Variants in AAGAB observed in about 807,000 individuals in gnomAD.
AAGAB encodes the protein alpha- and gamma-adaptin-binding protein p34.
In AAGAB, 38 loss-of-function variants were observed where a neutral mutation model predicts 44.1. The ratio of observed to expected loss-of-function variants is 0.86; its 90% CI spans 0.67 to 1.13. The LOEUF (loss-of-function observed/expected upper bound fraction) is 1.13. AAGAB is among the 50% of genes most tolerant of loss of function. AAGAB has a pLI of 0.00. For synonymous variants in AAGAB, 131 were observed against 131.8 expected, an observed-to-expected ratio of 0.99 and a Z score of 0.04; for missense variants, 450 against 373.8, an observed-to-expected ratio of 1.20 and a Z score of -1.68.
chr15:67,226,659 G>A (rs1007338592), intron 5 of AAGAB: 3 of 152,326 alleles, frequency 2.0e-5, no homozygotes, highest in Non-Finnish European at 4.4e-5. Flanking sequence ...TTTGAAGTAT[G>A]AACATTTTTA....
chr15:67,204,257 C>A, intron 7 of AAGAB, 109 bp from the exon 8 acceptor site: 1 of 713,402 alleles, frequency 1.4e-6, no homozygotes. Flanking sequence ...TGATCGAAGG[C>A]CCAGTGTATA....
At chr15:67,231,681 C>CTGAA (rs1002414598) in intron 5 of AAGAB, 133 bp downstream of exon 5, 3 of 704,556 alleles carry the variant, frequency 4.3e-6, no homozygotes, top group Non-Finnish European at 7.3e-6. Flanking sequence ...TTGGCGCTTC[C>CTGAA]TTCAATCAGC....
chr15:67,232,655 T>G (rs994099787), intron 4 of AAGAB: 7 of 306,538 alleles, frequency 2.3e-5, no homozygotes, highest in African/African-American at 1.5e-4. Context: ...CTACTGGCTT[T>G]GGCATAATTT....
chr15:67,243,334 T>C (rs1596014140), intron 1 of AAGAB, among the ~76,000 whole-genome samples: 1 of 152,176 alleles, frequency 6.6e-6, no homozygotes, highest in East Asian at 1.9e-4. Context: ...AAAGACCACT[T>C]TGTCAATCCT....
At chr15:67,247,631 G>A (rs1031904424) in intron 1 of AAGAB, among the ~76,000 whole-genome samples, 1 of 152,100 alleles carries the variant, frequency 6.6e-6, no homozygotes, top group African/African-American at 2.4e-5. Context: ...TTTACGGTAT[G>A]CCATTTAATG....
chr15:67,221,094 T>G (rs956526766), intron 5 of AAGAB: 1 of 152,244 alleles, frequency 6.6e-6, no homozygotes, highest in African/African-American at 2.4e-5. Context: ...TCCACACTTA[T>G]TTATTATATT....
intron 4 of AAGAB, among the ~76,000 whole-genome samples, chr15:67,234,368 A>C (rs1408480467): frequency 6.6e-6 from 1 of 152,234 alleles, no homozygotes; most frequent in Non-Finnish European, 1.5e-5. Context: ...ATTGTGAATG[A>C]CTTAATTCTC....
intron 5 of AAGAB, among the ~76,000 whole-genome samples, chr15:67,212,426 A>G (rs1476274548): frequency 6.6e-6 from 1 of 152,228 alleles, no homozygotes; most frequent in African/African-American, 2.4e-5. Flanking sequence ...AAAAGTCAAA[A>G]TAGTAGGAAG....
In AAGAB at chr15:67,213,427, A is replaced by G. The variant is rs1963869516; in HGVS notation, c.536-3883T>C. Among the ~76,000 whole-genome samples, 3 of 152,148 alleles carry G rather than the reference A, an allele frequency of 2.0e-5. No individual in the cohort carries two copies. The South Asian group carries it at 6.2e-4, about 31-fold the overall frequency. On this transcript the variant is annotated intron_variant, in intron 5 of 9. Transcript: ENST00000261880. Reference sequence around the variant, plus strand: ...CACCTCTTTACAAATCTGAGGGCACACTTAACTTTAGAAGCATAAAATGCA... The same window carrying G: ...CACCTCTTTACAAATCTGAGGGCACGCTTAACTTTAGAAGCATAAAATGCA...
rs185337459 is a variant in AAGAB, at chr15:67,250,152, A to G, written c.73+4407T>C. On this transcript the variant is annotated intron_variant, in intron 1 of 9. Transcript: ENST00000261880. Reference sequence around the variant, plus strand: ...TTCATTTTAATATTTTCACAGGTGGACCATACACTTTCTTTCTTTCTTTTT... The same window carrying G: ...TTCATTTTAATATTTTCACAGGTGGGCCATACACTTTCTTTCTTTCTTTTT... Among the ~76,000 whole-genome samples the G allele has an allele frequency of 5.7e-3, 865 of 152,240 alleles. 6 individuals carry two copies. Among genetic ancestry groups the G allele is most frequent in the African/African-American group, 0.02 (817 of 41,532 alleles).
chr15:67,251,723 A>G (rs1964877915), intron 1 of AAGAB, among the ~76,000 whole-genome samples: 1 of 152,224 alleles, frequency 6.6e-6, no homozygotes, highest in African/African-American at 2.4e-5. Context: ...GGTAGATCCA[A>G]TTCAATCCAA....
intron 4 of AAGAB, among the ~76,000 whole-genome samples, chr15:67,234,278 T>G (rs929828145): frequency 1.3e-5 from 2 of 151,452 alleles, no homozygotes; most frequent in Non-Finnish European, 2.9e-5. Context: ...TAAATAAAAA[T>G]AAAGAAAGAA....
chr15:67,210,095 T>A (rs554852804), intron 5 of AAGAB, among the ~76,000 whole-genome samples: 2 of 152,234 alleles, frequency 1.3e-5, no homozygotes, highest in East Asian at 3.8e-4. Context: ...ACAGCACTAA[T>A]GCTTTCATAG....
intron 7 of AAGAB, among the ~76,000 whole-genome samples, chr15:67,208,221 T>C (rs1466173199): frequency 6.6e-6 from 1 of 152,080 alleles, no homozygotes; most frequent in Non-Finnish European, 1.5e-5. Flanking sequence ...TGTATTATTC[T>C]TGTCACCATC....
intron 1 of AAGAB, among the ~76,000 whole-genome samples, chr15:67,252,051 A>T (rs1259403265): frequency 6.6e-6 from 1 of 152,200 alleles, no homozygotes; most frequent in East Asian, 1.9e-4. Context: ...CTTAACCCGA[A>T]CTGGAATTAT....
chr15:67,239,183 A>G (rs1289186428), intron 1 of AAGAB, among the ~76,000 whole-genome samples: 3 of 152,202 alleles, frequency 2.0e-5, no homozygotes, highest in Non-Finnish European at 4.4e-5. Context: ...TTAAAAACTG[A>G]TATCAAAAAA....
At chr15:67,221,509 A>G (rs1299949610) in intron 5 of AAGAB, among the ~76,000 whole-genome samples, 3 of 152,242 alleles carry the variant, frequency 2.0e-5, no homozygotes, top group Non-Finnish European at 2.9e-5. Flanking sequence ...TATAGAAGCC[A>G]TTCCTGTACT....
rs1963764786 is a variant in AAGAB at position 67,209,597 on chromosome 15, TCA to T, written c.536-55_536-54del. 2.2e-6 allele frequency: 3 copies of T among 1,365,616 alleles called. No individual in the cohort carries two copies. In the East Asian group the frequency reaches 6.9e-5, roughly 31 times the overall value. The allele number at this position is 1,365,616 out of a possible 1,614,324, so 84.6% of individuals were successfully genotyped here. A position where few individuals can be genotyped will look rare whatever the true frequency, so the allele number is the denominator to read the frequency against. On this transcript the variant is annotated intron_variant, in intron 5 of 9. Transcript: ENST00000261880. ...ATTTGTCATTTACATTTTAAACTGT[TCA>T]AATGGCTATGATGATGAAACAAAGG...
At chr15:67,245,955 C>A (rs184560586) in intron 1 of AAGAB, among the ~76,000 whole-genome samples, 1 of 152,306 alleles carries the variant, frequency 6.6e-6, no homozygotes, top group South Asian at 2.1e-4. Context: ...TCTCAGCAGG[C>A]TGGAGTTTGA....
Sources: gnomAD v4.1 joint callset for allele counts (sites outside exome capture counted in the v4.1 genomes callset) on GRCh38, gnomAD v4.1.1 for gene constraint, MANE v1.5 for transcripts, NCBI Gene and HGNC (gene_info 2026-07-23, HGNC 2026-07-21) for gene names.